NOS2: variants seen among roughly 807,000 people sequenced by gnomAD.
NOS2 encodes nitric oxide synthase 2.
A neutral mutation model predicts 136.0 loss-of-function variants in NOS2; 96 were observed. The ratio of observed to expected loss-of-function variants is 0.71; its 90% CI spans 0.60 to 0.84. The LOEUF (loss-of-function observed/expected upper bound fraction) is 0.84. Among genes scored for constraint, NOS2 ranks in the 40% least tolerant of loss-of-function variants. The pLI is 0.00. For synonymous variants in NOS2, 539 were observed against 587.5 expected (o/e 0.92, Z 1.20); for missense variants, 1,237 against 1,496.9 (o/e 0.83, Z 2.87).
At chr17:27,781,767 T>C (rs1908855698) in intron 7 of NOS2, among the ~76,000 whole-genome samples, 1 of 152,182 alleles carries the variant, frequency 6.6e-6, no homozygotes, top group South Asian at 2.1e-4. Flanking sequence ...TTAAAGATCC[T>C]CCATCCCCTC....
At position 27,760,126 on chromosome 17, in the gene NOS2, C is replaced by T. The variant is rs1908068418; in HGVS notation, c.3063G>A (p.Glu1021=). 6.2e-7 allele frequency: 1 copy of T among 1,605,826 alleles called. No individual in the cohort carries two copies. Among genetic ancestry groups the T allele is most frequent in the Admixed American group, 1.7e-5 (1 of 58,618 alleles). ...GCATCTCCTCCTGGTAGATGTGGTC[C>T]TCATCTGGGCGGCGGCACCCAAACA... The part of the protein sequence containing the change: ...TLVFGCRRPD[E]DHIYQEEMLE... The change falls in exon 25 of 27, where the codon GAG becomes GAA. Residue 1021 remains glutamate (E), a synonymous_variant. Transcript: ENST00000313735.
chr17:27,797,614 A>G (rs1289869572), intron 2 of NOS2, among the ~76,000 whole-genome samples: 1 of 152,226 alleles, frequency 6.6e-6, no homozygotes, highest in Non-Finnish European at 1.5e-5. Flanking sequence ...TTTGTAGTCC[A>G]TGGGAAAGGC....
intron 18 of NOS2, among the ~76,000 whole-genome samples, chr17:27,767,157 T>C (rs1338495899): frequency 6.6e-6 from 1 of 152,102 alleles, no homozygotes; most frequent in African/African-American, 2.4e-5. Flanking sequence ...ATTGTTGACA[T>C]TGGGGATATC....
At position 27,765,619 on chromosome 17, in the gene NOS2, C is replaced by T. The variant is rs1436121696; in HGVS notation, c.2344G>A (p.Ala782Thr). The change falls in exon 20 of 27, where the codon GCC becomes ACC. Residue 782 changes from alanine (A) to threonine (T), a missense_variant. Coordinates refer to ENST00000313735, the MANE Select transcript of NOS2 (RefSeq NM_000625.4). ...HLGVCPGNQPALVQGILERVV... is the reference protein window; with the variant it reads ...HLGVCPGNQPTLVQGILERVV... ...CGCTCCAGGATACCTTGGACCAGGGCCGGCTGGTTGCCTGGGCAAACCCCA... is the reference window on the plus strand; with the variant it reads ...CGCTCCAGGATACCTTGGACCAGGGTCGGCTGGTTGCCTGGGCAAACCCCA... 3 of 1,613,088 alleles carry T rather than the reference C, an allele frequency of 1.9e-6. No individual in the cohort carries two copies. Among genetic ancestry groups the T allele is most frequent in the South Asian group, 1.1e-5 (1 of 91,060 alleles).
chr17:27,757,293 CCTT>C lies in NOS2; in HGVS notation c.3412_3414del (p.Lys1138del), dbSNP rs768443192. 4.5e-5 allele frequency: 72 copies of C among 1,614,056 alleles called. 1 individual carries two copies. The African/African-American group carries it at 7.9e-4, about 18-fold the overall frequency. On this transcript the variant is annotated inframe_deletion, in exon 27 of 27. Coordinates refer to ENST00000313735, the MANE Select transcript of NOS2 (RefSeq NM_000625.4). ...CTGCTGGGCTGCACCGCCACCCTGT[CCTT>C]CTTCGCCTCGTAAGGAAATACAGCA...
chr17:27,773,367 C>A, intron 12 of NOS2, 124 bp from the exon 13 acceptor site: 1 of 697,490 alleles, frequency 1.4e-6, no homozygotes, highest in Admixed American at 2.5e-5. Flanking sequence ...CTGGCCTGCG[C>A]CCCACCCCTG....
intron 9 of NOS2, among the ~76,000 whole-genome samples, chr17:27,780,242 T>A (rs1908798515): frequency 6.6e-6 from 1 of 152,220 alleles, no homozygotes; most frequent in African/African-American, 2.4e-5. Flanking sequence ...GAGTCAGGAC[T>A]GAATTTGGTT....
intron 11 of NOS2, among the ~76,000 whole-genome samples, chr17:27,778,185 G>T (rs1039565255): frequency 6.6e-6 from 1 of 152,110 alleles, no homozygotes; most frequent in African/African-American, 2.4e-5. Flanking sequence ...ATTTTACATG[G>T]CACGGTCAGG....
In NOS2 at chr17:27,778,654, C is replaced by A. The variant is rs199534096; in HGVS notation, c.1281+36G>T. ...TCACTGGATCAGTTAAGCTTCTCAC[C>A]AAAAAGTCTTCAGACTCACAAAACT... On this transcript the variant is annotated intron_variant, in intron 11 of 26. Transcript: ENST00000313735. 92 of 1,551,784 alleles carry A rather than the reference C, an allele frequency of 5.9e-5. 1 individual carries two copies. The South Asian group carries it at 9.6e-4, about 16-fold the overall frequency.
chr17:27,770,921 T>G lies in NOS2; in HGVS notation c.1801A>C (p.Asn601His). The change falls in exon 15 of 27, where the codon AAT becomes CAT. Residue 601 changes from asparagine (N) to histidine (H), a missense_variant. By Grantham distance (68) the Asn-to-His change is moderately conservative. Around this residue, in one of 3 missense-constraint regions of NOS2, gnomAD observed 782 missense variants for 909.9 expected, o/e 0.86. Coordinates refer to ENST00000313735, the MANE Select transcript of NOS2 (RefSeq NM_000625.4). ...GACCTCAAGCCACCCACCTCTCCATTGCCAGGGCAGTCTCCATTGCCAAAC... is the reference window on the plus strand; with the variant it reads ...GACCTCAAGCCACCCACCTCTCCATGGCCAGGGCAGTCTCCATTGCCAAAC... ...STFGNGDCPG[N>H]GEKLKKSLFM... 1.2e-6 allele frequency: 2 copies of G among 1,613,650 alleles called. No homozygotes were observed. The highest frequency in any genetic ancestry group is 1.7e-6 in the Non-Finnish European group (2 of 1,179,644).
At chr17:27,767,227 G>A (rs1311848274) in intron 18 of NOS2, among the ~76,000 whole-genome samples, 1 of 152,192 alleles carries the variant, frequency 6.6e-6, no homozygotes, top group South Asian at 2.1e-4. Context: ...AGCACCTGGG[G>A]GTGCAGAGTG....
chr17:27,787,956 G>C, intron 4 of NOS2, 130 bp from the exon 5 acceptor site: 1 of 908,870 alleles, frequency 1.1e-6, no homozygotes, highest in Non-Finnish European at 1.6e-6. Flanking sequence ...CTCCACCCCT[G>C]TGGCACCTCC....
chr17:27,791,152 T>A (rs979644090), intron 2 of NOS2, among the ~76,000 whole-genome samples: 1 of 152,220 alleles, frequency 6.6e-6, no homozygotes, highest in Non-Finnish European at 1.5e-5. Flanking sequence ...AGATACTGTC[T>A]TAAAAGAGGA....
In NOS2 at chr17:27,780,909, G is replaced by A. The variant is rs765520683; in HGVS notation, c.865-3C>T. 2 of 1,611,584 alleles carry A rather than the reference G, an allele frequency of 1.2e-6. No homozygotes were observed. Among genetic ancestry groups the A allele is most frequent in the South Asian group, 2.2e-5 (2 of 90,650 alleles). ...TTCCAGCCCAGGTCGATGCACAGCTGGGGAACAAGACGGGCCCTGTGAGTC... is the reference window on the plus strand; with the variant it reads ...TTCCAGCCCAGGTCGATGCACAGCTAGGGAACAAGACGGGCCCTGTGAGTC... On this transcript the variant is annotated splice_polypyrimidine_tract_variant and splice_region_variant and intron_variant, in intron 8 of 26. Coordinates refer to ENST00000313735, the MANE Select transcript of NOS2 (RefSeq NM_000625.4).
chr17:27,760,845 G>T (rs1057460593), intron 23 of NOS2, 101 bp from the exon 24 acceptor site: 4 of 1,407,790 alleles, frequency 2.8e-6, no homozygotes, highest in African/African-American at 1.4e-5. Flanking sequence ...CGGTCGTGAG[G>T]GGGTGGAGAG....
intron 14 of NOS2, among the ~76,000 whole-genome samples, chr17:27,771,669 G>A (rs550177159): frequency 1.3e-5 from 2 of 152,332 alleles, no homozygotes; most frequent in South Asian, 2.1e-4. Flanking sequence ...CCCAGAAGCC[G>A]TGCGACCCTG....
At chr17:27,761,073 T>A (rs1908108664) in intron 23 of NOS2, 71 bp downstream of exon 23, 3 of 1,370,572 alleles carry the variant, frequency 2.2e-6, no homozygotes, top group Admixed American at 5.2e-5. Context: ...AAACCCCAGA[T>A]CCCTCCCTTT....
chr17:27,763,069 A>G, intron 21 of NOS2, 64 bp from the exon 22 acceptor site: 1 of 1,050,424 alleles, frequency 9.5e-7, no homozygotes, highest in South Asian at 1.6e-5. Context: ...AAAGACTGTC[A>G]CAACCCAGTA....
At chr17:27,758,472 G>A (rs1332098555) in intron 26 of NOS2, among the ~76,000 whole-genome samples, 2 of 152,182 alleles carry the variant, frequency 1.3e-5, no homozygotes, top group Non-Finnish European at 2.9e-5. Flanking sequence ...CTGGGGGGAT[G>A]AGGGTGAGCA....
Sources: gnomAD v4.1 joint callset for allele counts (sites outside exome capture counted in the v4.1 genomes callset) on GRCh38, gnomAD v4.1.1 for gene constraint, gnomAD v4.1.1 regional missense constraint, MANE v1.5 for transcripts, NCBI Gene and HGNC (gene_info 2026-07-23, HGNC 2026-07-21) for gene names.